Variants in ZRANB1 observed in about 807,000 individuals in gnomAD.
ZRANB1 encodes the protein zinc finger RANBP2-type containing 1, also known as ubiquitin thioesterase ZRANB1.
Under a neutral mutation model 80.5 loss-of-function variants are expected in ZRANB1, and 16 were observed. The ratio of observed to expected loss-of-function variants is 0.20; its 90% CI spans 0.13 to 0.30. The LOEUF (loss-of-function observed/expected upper bound fraction) is 0.30, where lower values mean the gene tolerates loss of function less well. ZRANB1 is among the 10% of genes least tolerant of loss of function. The pLI, the probability that ZRANB1 is intolerant of heterozygous loss-of-function variation, is 1.00. For synonymous variants in ZRANB1, 291 were observed against 293.1 expected, an observed-to-expected ratio of 0.99 and a Z score of 0.07; for missense variants, 576 against 862.6, an observed-to-expected ratio of 0.67 and a Z score of 4.16.
At chr10:124,965,548 G>A (rs76600171) in intron 1 of ZRANB1, among the ~76,000 whole-genome samples, 2,032 of 152,238 alleles carry the variant, frequency 0.013, 24 homozygotes, top group Non-Finnish European at 0.019. Context: ...ATATTCTAAG[G>A]AATATGTCTG....
At chr10:124,937,358 G>T (rs1951497075), upstream of ZRANB1, among the ~76,000 whole-genome samples, 1 of 151,622 alleles carries the variant, frequency 6.6e-6, no homozygotes, top group East Asian at 1.9e-4. Context: ...AGCAAGTTTT[G>T]TGTTTTTGGT....
chr10:124,983,662 C>A lies in ZRANB1; in HGVS notation c.1882C>A (p.His628Asn). The A allele has an allele frequency of 6.2e-7, 1 of 1,603,272 alleles. No individual in the cohort carries two copies. The highest frequency in any genetic ancestry group is 2.2e-5 in the East Asian group (1 of 44,604). The change falls in exon 8 of 9, where the codon CAT becomes AAT. Residue 628 changes from histidine (H) to asparagine (N), a missense_variant. Transcript: ENST00000359653. This position sits in a 1 kb window ranked among gnomAD's most constrained non-coding sequence, Gnocchi z 6.2. Reference protein sequence around the residue: ...PLVDSERKLLHVHFLSAQELG... With the variant: ...PLVDSERKLLNVHFLSAQELG... ...GGTTGACAGTGAAAGGAAGCTACTCCATGTGCACTTCCTTTCTGCTCAGGA... is the reference window on the plus strand; with the variant it reads ...GGTTGACAGTGAAAGGAAGCTACTCAATGTGCACTTCCTTTCTGCTCAGGA...
At chr10:124,980,450 A>G (rs1002576499) in intron 5 of ZRANB1, among the ~76,000 whole-genome samples, 2 of 152,206 alleles carry the variant, frequency 1.3e-5, no homozygotes, top group African/African-American at 4.8e-5. Context: ...GCACCAAGAA[A>G]TTTCTAACTG....
rs939161308 is a variant in ZRANB1 at position 124,983,119 on chromosome 10, A to G, written c.1549-56A>G. ...GGGGAGGTAGTATTGTTTTTTACAC[A>G]TCAGTTTTCCAGGAGTGGTAATAAA... On this transcript the variant is annotated intron_variant, in intron 6 of 8. Transcript: ENST00000359653. The surrounding 1 kb of genome is among the most constrained non-coding windows in gnomAD (Gnocchi z 6.2). The G allele has an allele frequency of 7.7e-6, 12 of 1,559,474 alleles. No homozygotes were observed. The highest frequency in any genetic ancestry group is 4.5e-5 in the East Asian group (2 of 44,186).
chr10:124,950,326 G>A (rs775800722), intron 1 of ZRANB1, among the ~76,000 whole-genome samples: 2 of 151,968 alleles, frequency 1.3e-5, no homozygotes, highest in East Asian at 1.9e-4. Flanking sequence ...GTTTCCCCTT[G>A]TTGCCCAGGC....
the ZRANB1 span, among the ~76,000 whole-genome samples, chr10:124,932,835 T>G: frequency 6.6e-6 from 1 of 152,108 alleles, no homozygotes; most frequent in Non-Finnish European, 1.5e-5. Context: ...AGTGCTGGGA[T>G]TATAGGCGCG....
intron 1 of ZRANB1, among the ~76,000 whole-genome samples, chr10:124,964,674 G>A (rs1951763236): frequency 6.6e-6 from 1 of 152,156 alleles, no homozygotes; most frequent in Non-Finnish European, 1.5e-5. Context: ...GTTTTTGGAA[G>A]TGTTTGGAAC....
chr10:124,943,343 G>A (rs1230473485), intron 1 of ZRANB1, 36 bp downstream of exon 1: 7 of 1,570,612 alleles, frequency 4.5e-6, no homozygotes, highest in Non-Finnish European at 6.1e-6. Flanking sequence ...TGCGTGGGAT[G>A]GGAAAAGGTA....
chr10:124,983,372 C>A lies in ZRANB1; in HGVS notation c.1678+68C>A. ...GAATGGCTCAGATGTCAGGAAGGAG[C>A]AGTGGACAGGGGAATGTGAACAAGG... is the stretch of plus-strand genomic sequence containing the variant. On this transcript the variant is annotated intron_variant, in intron 7 of 8. Transcript: ENST00000359653. The surrounding 1 kb of genome is among the most constrained non-coding windows in gnomAD (Gnocchi z 6.2). 1 of 1,598,422 alleles carries A rather than the reference C, an allele frequency of 6.3e-7. No homozygotes were observed. The highest frequency in any genetic ancestry group is 1.1e-5 in the South Asian group (1 of 88,808).
intron 5 of ZRANB1, among the ~76,000 whole-genome samples, chr10:124,976,862 G>A (rs1023363867): frequency 6.6e-6 from 1 of 151,508 alleles, no homozygotes; most frequent in Non-Finnish European, 1.5e-5. Context: ...GTGAGCCACC[G>A]CGCCTGGCCT....
At chr10:124,929,361 A>G in the ZRANB1 span, among the ~76,000 whole-genome samples, 1 of 149,496 alleles carries the variant, frequency 6.7e-6, no homozygotes, top group African/African-American at 2.5e-5. Flanking sequence ...TTTTTTTGTA[A>G]CGGAGTCTCT....
chr10:124,960,554 G>T lies in ZRANB1; in HGVS notation c.815-6040G>T, dbSNP rs1009146663. ...TCAGGTGATCCTCACAAGTAGCTGG[G>T]ACTACAGGCATGCGTCACTATGCCT... On this transcript the variant is annotated intron_variant, in intron 1 of 8. Coordinates refer to ENST00000359653, the MANE Select transcript of ZRANB1 (RefSeq NM_017580.3). 2.6e-5 allele frequency among the ~76,000 whole-genome samples: 4 copies of T among 152,076 alleles called. No individual in the cohort carries two copies. In the East Asian group the frequency reaches 7.7e-4, roughly 29 times the overall value.
intron 5 of ZRANB1, among the ~76,000 whole-genome samples, chr10:124,980,627 C>T (rs986871800): frequency 1.3e-5 from 2 of 152,132 alleles, no homozygotes; most frequent in Non-Finnish European, 2.9e-5. Context: ...ATTAAACATC[C>T]TCAGTTACGT....
chr10:124,979,537 A>G (rs754552435), intron 5 of ZRANB1, among the ~76,000 whole-genome samples: 52 of 152,276 alleles, frequency 3.4e-4, no homozygotes, highest in Non-Finnish European at 5.0e-4. Flanking sequence ...CAGTTTATCA[A>G]TGTTTTTCTG....
upstream of ZRANB1, chr10:124,942,083 C>T: frequency 2.1e-6 from 2 of 958,846 alleles, no homozygotes; most frequent in Non-Finnish European, 2.5e-6. Context: ...TTTCCTCTAC[C>T]TTTGTCTCTT....
the ZRANB1 span, among the ~76,000 whole-genome samples, chr10:124,933,119 A>C: frequency 6.8e-6 from 1 of 146,678 alleles, no homozygotes. Flanking sequence ...CAGCTTAATC[A>C]GTTTACTTTC....
At chr10:124,973,583 A>G in intron 3 of ZRANB1, 62 bp from the exon 4 acceptor site, 1 of 1,408,904 alleles carries the variant, frequency 7.1e-7, no homozygotes, top group Non-Finnish European at 9.9e-7. Flanking sequence ...AAGTGTAATT[A>G]AGTATAAGTT....
chr10:124,959,125 G>C (rs1951709921), intron 1 of ZRANB1, among the ~76,000 whole-genome samples: 1 of 152,198 alleles, frequency 6.6e-6, no homozygotes, highest in African/African-American at 2.4e-5. Flanking sequence ...TAGCAAGCCA[G>C]GATAGCTCAG....
the ZRANB1 span, among the ~76,000 whole-genome samples, chr10:124,925,628 C>A: frequency 6.6e-6 from 1 of 152,128 alleles, no homozygotes; most frequent in African/African-American, 2.4e-5. Flanking sequence ...GTCACTTGTG[C>A]TTTTGCCTAA....
Sources: gnomAD v4.1 joint callset for allele counts (sites outside exome capture counted in the v4.1 genomes callset) on GRCh38, gnomAD v4.1.1 for gene constraint, Gnocchi (gnomAD v3.1) non-coding constraint, MANE v1.5 for transcripts, NCBI Gene and HGNC (gene_info 2026-07-23, HGNC 2026-07-21) for gene names.